Variants in CCDC85C observed in about 807,000 individuals in gnomAD.
CCDC85C encodes the protein coiled-coil domain-containing protein 85C.
A neutral mutation model predicts 38.3 loss-of-function variants in CCDC85C; 18 were observed. That is an observed-to-expected ratio of 0.47 (90% CI 0.33 to 0.70). CCDC85C has a LOEUF of 0.70. Ranked by LOEUF, CCDC85C falls within the 30% of genes least tolerant of loss-of-function variation. CCDC85C has a pLI of 0.03. For synonymous variants in CCDC85C, 264 were observed against 293.8 expected, an observed-to-expected ratio of 0.90 and a Z score of 1.04; for missense variants, 566 against 621.2, an observed-to-expected ratio of 0.91 and a Z score of 0.94.
chr14:99,540,884 G>T (rs970169791), intron 1 of CCDC85C, among the ~76,000 whole-genome samples: 1 of 152,174 alleles, frequency 6.6e-6, no homozygotes, highest in African/African-American at 2.4e-5. Flanking sequence ...CCCCATTGGC[G>T]CTGTGCCGGC....
chr14:99,584,763 G>A (rs956836439), intron 1 of CCDC85C, among the ~76,000 whole-genome samples: 16 of 152,224 alleles, frequency 1.1e-4, no homozygotes, highest in African/African-American at 3.9e-4. Context: ...CTGCCCCACT[G>A]CCCACAGAGC....
At position 99,522,176 on chromosome 14, in the gene CCDC85C, T is replaced by C; in HGVS notation, c.932A>G (p.Gln311Arg). 1 of 1,551,084 alleles carries C rather than the reference T, an allele frequency of 6.4e-7. No individual in the cohort carries two copies. Among genetic ancestry groups the C allele is most frequent in the Non-Finnish European group, 8.7e-7 (1 of 1,146,902 alleles). Residue 311 changes from glutamine to arginine, a missense_variant, in exon 3 of 6, where the codon CAG becomes CGG. Gln to Arg is a conservative substitution (Grantham distance 43). Around this residue, in one of 3 missense-constraint regions of CCDC85C, gnomAD observed 286 missense variants for 276.4 expected, o/e 1.03. Transcript: ENST00000380243. ...KGFSPYHSES[Q>R]LASLPPSYQD... ...GTAGGAGGGCGGCAGGGACGCAAGCTGGGACTCCGAGTGGTAGGGCGAGAA... is the reference window on the plus strand; with the variant it reads ...GTAGGAGGGCGGCAGGGACGCAAGCCGGGACTCCGAGTGGTAGGGCGAGAA...
Position 99,514,093 on chromosome 14 carries a change from TCA to T in CCDC85C, c.*1151_*1152del. 6.6e-6 allele frequency: 1 copy of T among 152,314 alleles called. No individual in the cohort carries two copies. Among genetic ancestry groups the T allele is most frequent in the African/African-American group, 2.4e-5 (1 of 41,442 alleles). 9.4% of individuals were successfully genotyped at this position (152,314 alleles called of 1,614,324 possible). A position where few individuals can be genotyped will look rare whatever the true frequency, so the allele number is the denominator to read the frequency against. Reference sequence around the variant, plus strand: ...GAACTCAGCTCCACCCGGCCCGCCCTCAGCCGTCGGCTGTTGGCTCACGCCCC... The same window carrying T: ...GAACTCAGCTCCACCCGGCCCGCCCTGCCGTCGGCTGTTGGCTCACGCCCC... On this transcript the variant is annotated 3_prime_UTR_variant, in exon 6 of 6. Transcript: ENST00000380243.
At chr14:99,565,969 C>A (rs559468338) in intron 1 of CCDC85C, among the ~76,000 whole-genome samples, 1 of 152,342 alleles carries the variant, frequency 6.6e-6, no homozygotes, top group South Asian at 2.1e-4. Flanking sequence ...AGCCCCGAGC[C>A]CAGAGGCACA....
chr14:99,592,959 A>AT (rs1291173808), intron 1 of CCDC85C, among the ~76,000 whole-genome samples: 1 of 152,176 alleles, frequency 6.6e-6, no homozygotes, highest in Admixed American at 6.5e-5. Context: ...TAGCTTCTTA[A>AT]TTTTCTGGAG....
Position 99,502,517 on chromosome 14 carries a change from T to G in CCDC85C, c.*12729A>C. ...CAGAAGCATCATTAATTAAATTATCTAATAGTTTCCACTTTGTCCAAACAC... is the reference window on the plus strand; with the variant it reads ...CAGAAGCATCATTAATTAAATTATCGAATAGTTTCCACTTTGTCCAAACAC... On this transcript the variant is annotated 3_prime_UTR_variant, in exon 6 of 6. Coordinates refer to ENST00000380243, the MANE Select transcript of CCDC85C (RefSeq NM_001144995.2). 7.3e-7 allele frequency: 1 copy of G among 1,361,952 alleles called. No homozygotes were observed. The highest frequency in any genetic ancestry group is 2.5e-4 in the Middle Eastern group (1 of 4,078). 84.4% of individuals were successfully genotyped at this position (1,361,952 alleles called of 1,614,324 possible).
intron 1 of CCDC85C, among the ~76,000 whole-genome samples, chr14:99,536,887 C>G (rs1897613162): frequency 6.6e-6 from 1 of 152,206 alleles, no homozygotes. Context: ...ATCCCATACC[C>G]CTGGTCCTGC....
chr14:99,526,847 C>T (rs1435628239), intron 2 of CCDC85C, among the ~76,000 whole-genome samples: 2 of 152,158 alleles, frequency 1.3e-5, no homozygotes, highest in African/African-American at 2.4e-5. Flanking sequence ...AGCAGAGGCT[C>T]GAATGCGTGA....
chr14:99,524,900 C>T (rs540607047), intron 2 of CCDC85C, among the ~76,000 whole-genome samples: 1 of 152,144 alleles, frequency 6.6e-6, no homozygotes, highest in African/African-American at 2.4e-5. Context: ...CCCTCAGGAC[C>T]CAGGGAGAAG....
At chr14:99,593,266 C>T (rs977930002) in intron 1 of CCDC85C, among the ~76,000 whole-genome samples, 2 of 152,326 alleles carry the variant, frequency 1.3e-5, no homozygotes, top group African/African-American at 2.4e-5. Context: ...TGGGAGCCAA[C>T]GGAAAGACAG....
rs1276979239 is a variant in CCDC85C at position 99,505,506 on chromosome 14, A to G, written c.*9740T>C. ...TAAAATTTTCGATCTATCGGGTTAA[A>G]TAAATTTTATCCTTTTTCCTTTTAT... On this transcript the variant is annotated 3_prime_UTR_variant, in exon 6 of 6. Transcript: ENST00000380243. The G allele has an allele frequency of 8.4e-4, 4 of 4,754 alleles. No homozygotes were observed. The Non-Finnish European group carries it at 0.031, about 36-fold the overall frequency. 0.3% of individuals were successfully genotyped at this position (4,754 alleles called of 1,614,324 possible). A position where few individuals can be genotyped will look rare whatever the true frequency, so the allele number is the denominator to read the frequency against.
intron 2 of CCDC85C, among the ~76,000 whole-genome samples, chr14:99,526,019 C>T (rs562515436): frequency 3.3e-5 from 5 of 152,302 alleles, no homozygotes; most frequent in South Asian, 2.1e-4. Flanking sequence ...TGGACAGCAA[C>T]GCAGCCACAT....
chr14:99,543,858 A>G (rs1170061773), intron 1 of CCDC85C, among the ~76,000 whole-genome samples: 2 of 152,066 alleles, frequency 1.3e-5, no homozygotes, highest in Non-Finnish European at 2.9e-5. Flanking sequence ...TCCTGTGAGG[A>G]CAGCTTTTGG....
Position 99,511,163 on chromosome 14 carries a change from A to T in CCDC85C, c.*4083T>A. 6.2e-6 allele frequency: 1 copy of T among 161,306 alleles called. No individual in the cohort carries two copies. The highest frequency in any genetic ancestry group is 1.3e-5 in the Non-Finnish European group (1 of 74,184). 10.0% of individuals were successfully genotyped at this position (161,306 alleles called of 1,614,324 possible). On this transcript the variant is annotated 3_prime_UTR_variant, in exon 6 of 6. Coordinates refer to ENST00000380243, the MANE Select transcript of CCDC85C (RefSeq NM_001144995.2). Reference sequence around the variant, plus strand: ...CTATTTTTCCTGGAAACTCAATTTTAAATAGTCCAATTCCATCTGAAGCCA... The same window carrying T: ...CTATTTTTCCTGGAAACTCAATTTTTAATAGTCCAATTCCATCTGAAGCCA...
intron 1 of CCDC85C, among the ~76,000 whole-genome samples, chr14:99,559,498 C>A (rs1260452047): frequency 6.6e-6 from 1 of 152,022 alleles, no homozygotes; most frequent in Non-Finnish European, 1.5e-5. Flanking sequence ...CGTCACCCAC[C>A]ACATTTGCCA....
At chr14:99,546,769 G>A (rs1421330415) in intron 1 of CCDC85C, among the ~76,000 whole-genome samples, 1 of 152,022 alleles carries the variant, frequency 6.6e-6, no homozygotes, top group Non-Finnish European at 1.5e-5. Flanking sequence ...TCATGAACAG[G>A]GCTGCAGTAG....
Position 99,535,593 on chromosome 14 carries a change from G to A in CCDC85C, c.867+422C>T, listed in dbSNP as rs747698604. On this transcript the variant is annotated intron_variant, in intron 2 of 5. Transcript: ENST00000380243. This position sits in a 1 kb window ranked among gnomAD's most constrained non-coding sequence, Gnocchi z 5.5. ...GCCTCATCTGTCTGTGGGTGAGGTCGGGCCCAGGAGGGAGGAGGGGAACCC... is the reference window on the plus strand; with the variant it reads ...GCCTCATCTGTCTGTGGGTGAGGTCAGGCCCAGGAGGGAGGAGGGGAACCC... Among the ~76,000 whole-genome samples the A allele has an allele frequency of 2.6e-5, 4 of 152,130 alleles. No homozygotes were observed. Among genetic ancestry groups the A allele is most frequent in the African/African-American group, 2.4e-5 (1 of 41,432 alleles).
chr14:99,510,434 C>T lies in CCDC85C; in HGVS notation c.*4812G>A, dbSNP rs1418672293. ...CCTACGGTGCCCTGCCCCCCGCCTA[C>T]GGCCCACCTGCACACCTGCCCTACC... is the stretch of plus-strand genomic sequence containing the variant. On this transcript the variant is annotated 3_prime_UTR_variant, in exon 6 of 6. Coordinates refer to ENST00000380243, the MANE Select transcript of CCDC85C (RefSeq NM_001144995.2). The T allele has an allele frequency of 2.0e-5, 31 of 1,545,072 alleles. No individual in the cohort carries two copies. The highest frequency in any genetic ancestry group is 1.5e-4 in the East Asian group (6 of 40,718).
chr14:99,536,078 G>T lies in CCDC85C; in HGVS notation c.804C>A (p.Ser268=). The change falls in exon 2 of 6, where the codon TCC becomes TCA. Residue 268 remains serine, a synonymous_variant. Transcript: ENST00000380243. ...SIPNGLHDPS[S]TYIRQLESKV... is the part of the protein sequence containing the mutation. ...TGCTCTCCAGTTGCCTGATGTAGGT[G>T]GATGAGGGATCTGGAAGGACACAAG... The T allele has an allele frequency of 6.4e-7, 1 of 1,550,686 alleles. No homozygotes were observed. Among genetic ancestry groups the T allele is most frequent in the Admixed American group, 2.0e-5 (1 of 50,976 alleles).
Sources: gnomAD v4.1 joint callset for allele counts (sites outside exome capture counted in the v4.1 genomes callset) on GRCh38, gnomAD v4.1.1 for gene constraint, gnomAD v4.1.1 regional missense constraint, Gnocchi (gnomAD v3.1) non-coding constraint, MANE v1.5 for transcripts, NCBI Gene and HGNC (gene_info 2026-07-23, HGNC 2026-07-21) for gene names.